CCDC91: variants seen among roughly 807,000 people sequenced by gnomAD.
CCDC91 encodes the protein coiled-coil domain-containing protein 91.
Under a neutral mutation model 63.2 loss-of-function variants are expected in CCDC91, and 48 were observed. The observed-to-expected ratio is 0.76, with a 90% confidence interval of 0.60 to 0.97. CCDC91 has a LOEUF of 0.97. CCDC91 is among the 50% of genes least tolerant of loss of function. CCDC91 has a pLI of 0.00. For missense variants in CCDC91, 500 were observed against 494.6 expected (o/e 1.01, Z -0.10); for synonymous variants, 167 against 165.8 (o/e 1.01, Z -0.06).
chr12:28,545,595 G>A (rs7316351), intron 12 of CCDC91, among the ~76,000 whole-genome samples: 58,471 of 151,744 alleles, frequency 0.39, 11,659 homozygotes, highest in South Asian at 0.45. Context: ...TTTATTTAAA[G>A]GATTCTTACT....
intron 6 of CCDC91, among the ~76,000 whole-genome samples, chr12:28,316,015 T>A (rs1939826483): frequency 6.6e-6 from 1 of 151,998 alleles, no homozygotes; most frequent in African/African-American, 2.4e-5. Flanking sequence ...TATTTTCTTC[T>A]ATCATAAAAC....
intron 12 of CCDC91, among the ~76,000 whole-genome samples, chr12:28,544,171 A>G (rs1435205491): frequency 1.2e-4 from 18 of 151,452 alleles, no homozygotes; most frequent in African/African-American, 2.9e-4. Context: ...GCCTCCATCT[A>G]CTTCTCTGAT....
At chr12:28,408,182 T>C (rs766524946) in intron 8 of CCDC91, among the ~76,000 whole-genome samples, 4 of 152,044 alleles carry the variant, frequency 2.6e-5, no homozygotes, top group Non-Finnish European at 5.9e-5. Flanking sequence ...TCCCTCCCAG[T>C]GTCCATGTGT....
At chr12:28,271,261 A>C (rs1372989193) in intron 3 of CCDC91, among the ~76,000 whole-genome samples, 2 of 152,100 alleles carry the variant, frequency 1.3e-5, no homozygotes, top group African/African-American at 4.8e-5. Context: ...GGCAATGTAG[A>C]TACACTGTCA....
At chr12:28,317,716 C>T (rs36005429) in intron 6 of CCDC91, among the ~76,000 whole-genome samples, 14,966 of 151,638 alleles carry the variant, frequency 0.099, 1,024 homozygotes, top group Admixed American at 0.14. Flanking sequence ...AGTTTTATGT[C>T]CATGTGTAGG....
intron 1 of CCDC91, among the ~76,000 whole-genome samples, chr12:28,195,244 A>G (rs1359903797): frequency 6.6e-6 from 1 of 152,108 alleles, no homozygotes; most frequent in Admixed American, 6.5e-5. Flanking sequence ...TGATTGGTGC[A>G]TTTACAATCC....
At chr12:28,294,970 A>G (rs947980569) in intron 3 of CCDC91, among the ~76,000 whole-genome samples, 1 of 152,226 alleles carries the variant, frequency 6.6e-6, no homozygotes, top group African/African-American at 2.4e-5. Context: ...GTAAAAAAAG[A>G]TATTTTAAAA....
chr12:28,301,631 T>A (rs1938091931), intron 3 of CCDC91, among the ~76,000 whole-genome samples: 1 of 151,718 alleles, frequency 6.6e-6, no homozygotes, highest in South Asian at 2.1e-4. Context: ...AATTTTAGAA[T>A]ATTGGGTTTG....
intron 1 of CCDC91, among the ~76,000 whole-genome samples, chr12:28,240,685 G>T: frequency 6.6e-6 from 1 of 151,132 alleles, no homozygotes. Context: ...TCTCCAACTT[G>T]CATGTATCGG....
At chr12:28,533,161 T>G (rs1435178772) in intron 12 of CCDC91, among the ~76,000 whole-genome samples, 1 of 152,154 alleles carries the variant, frequency 6.6e-6, no homozygotes, top group Non-Finnish European at 1.5e-5. Context: ...ATATTTATTA[T>G]GCTTAATTTA....
At chr12:28,254,359 A>G (rs552178745) in intron 1 of CCDC91, among the ~76,000 whole-genome samples, 50 of 152,292 alleles carry the variant, frequency 3.3e-4, no homozygotes, top group Non-Finnish European at 6.3e-4. Context: ...TGTCAGATAT[A>G]TTTGCTGTTG....
At chr12:28,523,440 C>T (rs1940938678) in intron 12 of CCDC91, among the ~76,000 whole-genome samples, 1 of 152,100 alleles carries the variant, frequency 6.6e-6, no homozygotes. Flanking sequence ...GATCTTCCTC[C>T]ATCCCTTTAT....
chr12:28,333,962 T>C (rs78811721), intron 6 of CCDC91, among the ~76,000 whole-genome samples: 4,192 of 152,262 alleles, frequency 0.028, 215 homozygotes, highest in African/African-American at 0.094. Context: ...TGATTTATTT[T>C]GGTTTGTTTT....
At chr12:28,259,252 A>T (rs978937888) in intron 2 of CCDC91, 112 bp from the exon 3 acceptor site, 38 of 749,918 alleles carry the variant, frequency 5.1e-5, no homozygotes, top group African/African-American at 3.8e-4. Context: ...AGGGAATATG[A>T]AAATGTCTGG....
chr12:28,351,023 T>C (rs1943149080), intron 6 of CCDC91, among the ~76,000 whole-genome samples: 1 of 152,198 alleles, frequency 6.6e-6, no homozygotes, highest in African/African-American at 2.4e-5. Context: ...TGTTACCGTG[T>C]TCTTCCTGGC....
At chr12:28,392,485 G>A (rs776119787) in intron 8 of CCDC91, among the ~76,000 whole-genome samples, 1 of 152,124 alleles carries the variant, frequency 6.6e-6, no homozygotes, top group Non-Finnish European at 1.5e-5. Flanking sequence ...AGAGAGCCGT[G>A]TTAGATTTGT....
intron 3 of CCDC91, among the ~76,000 whole-genome samples, chr12:28,279,781 G>GA (rs1176100603): frequency 6.6e-6 from 1 of 151,408 alleles, no homozygotes; most frequent in Non-Finnish European, 1.5e-5. Context: ...AATATTACAT[G>GA]AAAAAATGCT....
At chr12:28,542,199 G>A (rs1942676073) in intron 12 of CCDC91, among the ~76,000 whole-genome samples, 1 of 151,988 alleles carries the variant, frequency 6.6e-6, no homozygotes, top group Non-Finnish European at 1.5e-5. Context: ...GTAGTTTGGG[G>A]TAAAAAGACA....
chr12:28,493,882 C>A (rs1241431750), intron 12 of CCDC91, among the ~76,000 whole-genome samples: 1 of 151,694 alleles, frequency 6.6e-6, no homozygotes, highest in South Asian at 2.1e-4. Context: ...CTTCTGCTGT[C>A]ACAATCATCT....
Sources: allele counts gnomAD v4.1 joint callset (sites outside exome capture counted in the v4.1 genomes callset), GRCh38; gene constraint gnomAD v4.1.1; transcripts MANE v1.5; gene names NCBI Gene and HGNC (gene_info 2026-07-23, HGNC 2026-07-21).